The following RYR1 variants were observed in gnomAD, a reference collection of about 807,000 sequenced individuals.
RYR1 encodes the protein ryanodine receptor 1.
RYR1 carries 342 observed loss-of-function variants against 583.5 expected under a neutral mutation model. The observed-to-expected ratio is 0.59, with a 90% CI of 0.54 to 0.64. RYR1 has a LOEUF of 0.64. Among genes scored for constraint, RYR1 ranks in the 30% least tolerant of loss-of-function variants. The pLI, the probability that RYR1 is intolerant of heterozygous loss-of-function variation, is 0.00. For synonymous variants in RYR1, 2,791 were observed against 2,822.5 expected, an observed-to-expected ratio of 0.99 and a Z score of 0.35; for missense variants, 6,032 against 6,917.2, an observed-to-expected ratio of 0.87 and a Z score of 4.54.
Position 38,452,607 on chromosome 19 carries a change from C to G in RYR1, c.1245-212C>G, listed in dbSNP as rs141620205. Among the ~76,000 whole-genome samples the G allele has an allele frequency of 1.1e-3, 170 of 152,228 alleles. 1 individual carries two copies. Among genetic ancestry groups the G allele is most frequent in the African/African-American group, 3.5e-3 (144 of 41,540 alleles). On this transcript the variant is annotated intron_variant, in intron 12 of 105. Coordinates refer to ENST00000359596, the MANE Select transcript of RYR1 (RefSeq NM_000540.3). Reference sequence around the variant, plus strand: ...CCTCTCCATCCCTGAGTTCCGGGACCCCCCTGTACCTACACAGGAGCGAGT... The same window carrying G: ...CCTCTCCATCCCTGAGTTCCGGGACGCCCCTGTACCTACACAGGAGCGAGT...
chr19:38,510,423 A>C (rs1049945967), intron 58 of RYR1, 75 bp from the exon 59 acceptor site: 30 of 1,476,786 alleles, frequency 2.0e-5, no homozygotes, highest in East Asian at 9.1e-5. Flanking sequence ...CTCTGCTCCC[A>C]GCATCCTTCC....
chr19:38,490,271 G>A lies in RYR1; in HGVS notation c.6010G>A (p.Glu2004Lys). ...RTREFRSPPQ[E>K]QINMLLQFKD... ...CCGCGAGTTCCGCTCCCCACCCCAGGAACAGGTCATCTGACCCCTGACGCT... is the reference window on the plus strand; with the variant it reads ...CCGCGAGTTCCGCTCCCCACCCCAGAAACAGGTCATCTGACCCCTGACGCT... The change falls in exon 36 of 106, where the codon GAA becomes AAA. Residue 2004 changes from glutamate (E) to lysine (K), a missense_variant. Around this residue, in one of 11 missense-constraint regions of RYR1, gnomAD observed 2,627 missense variants for 2,961.3 expected, o/e 0.89. Transcript: ENST00000359596. 6.2e-7 allele frequency: 1 copy of A among 1,613,640 alleles called. No homozygotes were observed. The highest frequency in any genetic ancestry group is 8.5e-7 in the Non-Finnish European group (1 of 1,179,846).
chr19:38,578,358 C>T (rs1974052952), intron 99 of RYR1, among the ~76,000 whole-genome samples, 154 bp downstream of exon 99: 1 of 152,228 alleles, frequency 6.6e-6, no homozygotes, highest in African/African-American at 2.4e-5. Context: ...GGCTCCTTAT[C>T]CCCCTAGACA....
chr19:38,518,980 G>C (rs926274777), intron 66 of RYR1, among the ~76,000 whole-genome samples: 1 of 152,002 alleles, frequency 6.6e-6, no homozygotes, highest in Non-Finnish European at 1.5e-5. Context: ...TTGGGGGTCA[G>C]AGGTCAGGGA....
At position 38,499,108 on chromosome 19, in the gene RYR1, G is replaced by A. The variant is rs761654671; in HGVS notation, c.6892G>A (p.Val2298Ile). 5.0e-6 allele frequency: 8 copies of A among 1,614,088 alleles called. No homozygotes were observed. The highest frequency in any genetic ancestry group is 6.8e-6 in the Non-Finnish European group (8 of 1,179,978). The change falls in exon 43 of 106, where the codon GTT becomes ATT. Residue 2298 changes from valine to isoleucine, a missense_variant and splice_region_variant. Val to Ile is a conservative substitution (Grantham distance 29). This residue lies in a region of RYR1 where 2,627 missense variants were observed against 2,961.3 expected (regional missense o/e 0.89). Transcript: ENST00000359596. This position sits in a 1 kb window ranked among gnomAD's most constrained non-coding sequence, Gnocchi z 7.3. ...LALQEQDLEK[V>I]VSYLAGCGLQ... ...CTGACTGAGCCCCTTCTGCCCCCAGGTTGTGTCCTACCTGGCAGGCTGTGG... is the reference window on the plus strand; with the variant it reads ...CTGACTGAGCCCCTTCTGCCCCCAGATTGTGTCCTACCTGGCAGGCTGTGG...
intron 28 of RYR1, 94 bp from the exon 29 acceptor site, chr19:38,475,224 G>A: frequency 6.6e-7 from 1 of 1,510,542 alleles, no homozygotes; most frequent in Non-Finnish European, 9.0e-7. Flanking sequence ...TTAGAAGCAG[G>A]GTGTATCCAA....
chr19:38,446,389 G>A (rs2145350229), intron 7 of RYR1, 83 bp from the exon 8 acceptor site: 1 of 1,026,510 alleles, frequency 9.7e-7, no homozygotes, highest in Non-Finnish European at 1.5e-6. Context: ...CAGGGGAGGA[G>A]CAGGGCCCCT....
intron 84 of RYR1, 79 bp downstream of exon 84, chr19:38,538,039 C>T (rs1455835305): frequency 1.5e-6 from 2 of 1,331,600 alleles, no homozygotes; most frequent in Admixed American, 1.7e-5. Context: ...TTAGTTTCCG[C>T]CCCTCCTCCT....
In RYR1 at chr19:38,440,748, G is replaced by A. The variant is rs755878800; in HGVS notation, c.49G>A (p.Asp17Asn). ...ACGCTGCCCCTCGGTTCCGCAGGAC[G>A]ATGAGGTGGTCCTGCAGTGCAGCGC... Reference protein sequence around the residue: ...EDEVQFLRTDDEVVLQCSATV... With the variant: ...EDEVQFLRTDNEVVLQCSATV... The change falls in exon 2 of 106, where the codon GAT (aspartate) becomes AAT (asparagine). Residue 17 changes from aspartate (D) to asparagine (N), a missense_variant. Physicochemically the swap from Asp to Asn is conservative, Grantham distance 23. This residue lies in a region of RYR1 where 71 missense variants were observed against 75.3 expected (regional missense o/e 0.94). Transcript: ENST00000359596. The A allele has an allele frequency of 4.0e-5, 65 of 1,606,868 alleles. No homozygotes were observed. The highest frequency in any genetic ancestry group is 4.9e-5 in the Non-Finnish European group (58 of 1,176,724).
In RYR1 at chr19:38,496,966, A is replaced by G; in HGVS notation, c.6891+12A>G. 1 of 1,609,690 alleles carries G rather than the reference A, an allele frequency of 6.2e-7. No individual in the cohort carries two copies. Among genetic ancestry groups the G allele is most frequent in the Non-Finnish European group, 8.5e-7 (1 of 1,176,558 alleles). On this transcript the variant is annotated intron_variant, in intron 42 of 105. Coordinates refer to ENST00000359596, the MANE Select transcript of RYR1 (RefSeq NM_000540.3). The surrounding 1 kb of genome is among the most constrained non-coding windows in gnomAD (Gnocchi z 4.8). ...AGGACCTGGAAAAGGTGTGGAGGGCAGGGCTGGGCCCCAGGCCTAAGGGAG... is the reference window on the plus strand; with the variant it reads ...AGGACCTGGAAAAGGTGTGGAGGGCGGGGCTGGGCCCCAGGCCTAAGGGAG...
chr19:38,503,775 A>G (rs1276265485), intron 49 of RYR1, among the ~76,000 whole-genome samples: 2 of 151,536 alleles, frequency 1.3e-5, no homozygotes, highest in South Asian at 2.1e-4. Context: ...TCCACCTCAA[A>G]AAAAAAAAAA....
At chr19:38,505,163 A>T in intron 52 of RYR1, 82 bp downstream of exon 52, 1 of 1,348,792 alleles carries the variant, frequency 7.4e-7, no homozygotes, top group South Asian at 1.2e-5. Flanking sequence ...GAGGCCCCAG[A>T]TCTCCCTGAG....
Position 38,466,193 on chromosome 19 carries a change from G to T in RYR1, c.2973G>T (p.Gly991=). 1.2e-6 allele frequency: 2 copies of T among 1,613,518 alleles called. No individual in the cohort carries two copies. The highest frequency in any genetic ancestry group is 1.7e-6 in the Non-Finnish European group (2 of 1,179,962). ...TGGTGGACCGTCTGGCAGAAAATGG[G>T]CACAACGTGTGGGCCCGAGACCGCG... ...TTLVDRLAEN[G]HNVWARDRVG... The change falls in exon 24 of 106, where the codon GGG becomes GGT. Residue 991 remains glycine, a synonymous_variant. Transcript: ENST00000359596.
Position 38,527,661 on chromosome 19 carries a change from G to A in RYR1, c.10701G>A (p.Pro3567=), listed in dbSNP as rs771866213. The part of the protein sequence containing the change: ...LHLQGKVEGS[P]SLRWQMALYR... ...CCTCCCTTCAGGTCGAAGGCTCCCC[G>A]TCTCTGCGCTGGCAGATGGCTCTGT... The change falls in exon 73 of 106, where the codon CCG becomes CCA. Residue 3567 remains proline, a synonymous_variant. Coordinates refer to ENST00000359596, the MANE Select transcript of RYR1 (RefSeq NM_000540.3). 11 of 1,614,132 alleles carry A rather than the reference G, an allele frequency of 6.8e-6. No individual in the cohort carries two copies. In the East Asian group the frequency reaches 1.1e-4, roughly 16 times the overall value.
At chr19:38,437,902 C>T (rs1426548460) in intron 1 of RYR1, among the ~76,000 whole-genome samples, 1 of 151,204 alleles carries the variant, frequency 6.6e-6, no homozygotes, top group Admixed American at 6.6e-5. Context: ...TGGAGAGGAT[C>T]ACTCAGCCTA....
chr19:38,580,230 G>A (rs1016755587), intron 100 of RYR1, 102 bp downstream of exon 100: 2 of 1,597,224 alleles, frequency 1.3e-6, no homozygotes, highest in East Asian at 2.2e-5. Context: ...GGAGGGGCAA[G>A]GCCAGGTGCG....
At chr19:38,457,964 G>C in intron 17 of RYR1, 87 bp from the exon 18 acceptor site, 2 of 1,360,356 alleles carry the variant, frequency 1.5e-6, no homozygotes, top group Admixed American at 1.7e-5. Flanking sequence ...TCTGTCTTTG[G>C]ATGTCTGTCT....
intron 20 of RYR1, among the ~76,000 whole-genome samples, chr19:38,462,519 T>C (rs141797025): frequency 1.8e-3 from 268 of 149,940 alleles, no homozygotes; most frequent in Non-Finnish European, 2.9e-3. Context: ...CTCATCCCCA[T>C]GTCCCGCCCA....
intron 69 of RYR1, chr19:38,523,627 TCCC>T: frequency 6.6e-6 from 4 of 605,674 alleles, no homozygotes; most frequent in Non-Finnish European, 1.2e-5. Flanking sequence ...CTCTCTCTCC[TCCC>T]ATTTCCCTCC....
Sources: gnomAD v4.1 joint callset for allele counts (sites outside exome capture counted in the v4.1 genomes callset) on GRCh38, gnomAD v4.1.1 for gene constraint, gnomAD v4.1.1 regional missense constraint, Gnocchi (gnomAD v3.1) non-coding constraint, MANE v1.5 for transcripts, NCBI Gene and HGNC (gene_info 2026-07-23, HGNC 2026-07-21) for gene names.